Variants in TMEM132D observed in about 807,000 individuals in gnomAD.
TMEM132D encodes mature OL transmembrane protein.
TMEM132D carries 21 observed loss-of-function variants against 62.3 expected under a neutral mutation model. The ratio of observed to expected loss-of-function variants is 0.34; its 90% confidence interval spans 0.24 to 0.49. TMEM132D has a LOEUF of 0.49. Among genes scored for constraint, TMEM132D ranks in the 20% least tolerant of loss-of-function variants. The probability of loss-of-function intolerance (pLI) is 0.99; values close to 1 mark genes in which losing one functional copy is unlikely to be tolerated. For missense variants in TMEM132D, 1,346 were observed against 1,402.8 expected (o/e 0.96, Z 0.65); for synonymous variants, 621 against 575.6 (o/e 1.08, Z -1.13).
intron 1 of TMEM132D, among the ~76,000 whole-genome samples, chr12:129,871,329 G>C (rs1324543565): frequency 2.0e-5 from 3 of 152,122 alleles, no homozygotes; most frequent in East Asian, 3.9e-4. Context: ...GATATCATGA[G>C]GGCAAGTCTG....
chr12:129,627,891 G>A (rs560334822), intron 2 of TMEM132D, among the ~76,000 whole-genome samples: 1 of 152,230 alleles, frequency 6.6e-6, no homozygotes, highest in Non-Finnish European at 1.5e-5. Flanking sequence ...CAGGGCTGAA[G>A]TGGAATGATT....
chr12:129,512,886 C>G (rs1425424629), intron 3 of TMEM132D, among the ~76,000 whole-genome samples: 1 of 152,176 alleles, frequency 6.6e-6, no homozygotes, highest in East Asian at 1.9e-4. Context: ...TGCCATCATT[C>G]TGCTAGGAGT....
At chr12:129,623,465 A>G (rs575859942) in intron 2 of TMEM132D, among the ~76,000 whole-genome samples, 42 of 152,106 alleles carry the variant, frequency 2.8e-4, no homozygotes, top group South Asian at 1.7e-3. Context: ...TGTCCATTAT[A>G]CCACTCTCTA....
intron 3 of TMEM132D, among the ~76,000 whole-genome samples, chr12:129,398,937 C>T (rs77403053): frequency 0.012 from 1,850 of 152,172 alleles, 20 homozygotes; most frequent in Middle Eastern, 0.044. Context: ...AATAGTAATT[C>T]GTAATAAATA....
intron 5 of TMEM132D, among the ~76,000 whole-genome samples, chr12:129,108,797 A>G (rs1427553901): frequency 6.6e-6 from 1 of 152,210 alleles, no homozygotes; most frequent in Non-Finnish European, 1.5e-5. Flanking sequence ...ATTATGAAAA[A>G]TGTTAACCAA....
chr12:129,490,608 T>C (rs1184553008), intron 3 of TMEM132D, among the ~76,000 whole-genome samples: 3 of 126,152 alleles, frequency 2.4e-5, no homozygotes, highest in Admixed American at 1.6e-4. Context: ...TTTTTTTTTT[T>C]TTTTTTTTTT....
chr12:129,899,304 CATGGATGG>C (rs61141755), intron 1 of TMEM132D, among the ~76,000 whole-genome samples: 5,081 of 125,212 alleles, frequency 0.041, 243 homozygotes, highest in East Asian at 0.13. Flanking sequence ...TGGATGCATG[CATGGATGG>C]ATGGATGGAT....
intron 2 of TMEM132D, among the ~76,000 whole-genome samples, chr12:129,578,442 GTA>G (rs990432397): frequency 1.0e-4 from 8 of 76,272 alleles, no homozygotes; most frequent in Admixed American, 6.2e-4. Context: ...ATATATGTAT[GTA>G]TATATATATG....
intron 2 of TMEM132D, 102 bp from the exon 3 acceptor site, chr12:129,531,307 C>T: frequency 2.2e-6 from 3 of 1,379,188 alleles, no homozygotes; most frequent in Non-Finnish European, 1.9e-6. Context: ...CGTTGCCTGG[C>T]AGGTGTAAGC....
intron 3 of TMEM132D, among the ~76,000 whole-genome samples, chr12:129,411,803 C>T (rs964248182): frequency 2.0e-5 from 3 of 152,312 alleles, no homozygotes; most frequent in Non-Finnish European, 2.9e-5. Context: ...ATCGGCAGTC[C>T]GTCTTCCACA....
intron 4 of TMEM132D, among the ~76,000 whole-genome samples, chr12:129,271,607 G>A (rs150434361): frequency 0.045 from 6,815 of 151,368 alleles, 381 homozygotes; most frequent in Admixed American, 0.15. Context: ...TCCCCTCCCT[G>A]TGTCCATGTG....
chr12:129,654,423 G>C (rs1166357002), intron 2 of TMEM132D, among the ~76,000 whole-genome samples: 1 of 151,978 alleles, frequency 6.6e-6, no homozygotes, highest in Non-Finnish European at 1.5e-5. Context: ...TAAGCCTAAA[G>C]ATGTACCGTA....
intron 2 of TMEM132D, among the ~76,000 whole-genome samples, chr12:129,693,644 C>A (rs1881118608): frequency 6.6e-6 from 1 of 152,134 alleles, no homozygotes; most frequent in African/African-American, 2.4e-5. Flanking sequence ...ACCTTACGAT[C>A]AATAGAATAA....
chr12:129,584,014 A>T (rs1877949488), intron 2 of TMEM132D, among the ~76,000 whole-genome samples: 1 of 152,190 alleles, frequency 6.6e-6, no homozygotes, highest in Non-Finnish European at 1.5e-5. Context: ...TAATTTTTTT[A>T]TTAGACCTCC....
chr12:129,817,793 G>T (rs1872399462), intron 1 of TMEM132D, among the ~76,000 whole-genome samples: 1 of 140,980 alleles, frequency 7.1e-6, no homozygotes. Context: ...CTGTGGTTTG[G>T]GGGTGTGTGG....
At chr12:129,708,014 C>A (rs887806216) in intron 1 of TMEM132D, among the ~76,000 whole-genome samples, 2 of 152,116 alleles carry the variant, frequency 1.3e-5, no homozygotes, top group African/African-American at 4.8e-5. Context: ...GTCCAGAGTT[C>A]GAGACCAGCT....
chr12:129,600,061 GATAGCATTTTA>G (rs1225148550), intron 2 of TMEM132D, among the ~76,000 whole-genome samples: 1 of 152,204 alleles, frequency 6.6e-6, no homozygotes, highest in East Asian at 1.9e-4. Flanking sequence ...GATGCCATTT[GATAGCATTTTA>G]CCCACAGCAG....
intron 1 of TMEM132D, among the ~76,000 whole-genome samples, chr12:129,830,352 T>TAAAAGG (rs1872792306): frequency 1.3e-5 from 2 of 152,078 alleles, no homozygotes; most frequent in Admixed American, 1.3e-4. Context: ...CACTAAAAGC[T>TAAAAGG]AAAAGGAAAA....
intron 1 of TMEM132D, among the ~76,000 whole-genome samples, chr12:129,756,649 G>T (rs1276546967): frequency 1.3e-5 from 2 of 152,158 alleles, no homozygotes; most frequent in African/African-American, 4.8e-5. Context: ...CCACTGAACT[G>T]TACACTTAGA....
Sources: allele counts gnomAD v4.1 joint callset (sites outside exome capture counted in the v4.1 genomes callset), GRCh38; gene constraint gnomAD v4.1.1; transcripts MANE v1.5; gene names NCBI Gene and HGNC (gene_info 2026-07-23, HGNC 2026-07-21).